ZNF385D: variants seen among roughly 807,000 people sequenced by gnomAD.
ZNF385D encodes zinc finger protein 385D.
In ZNF385D, 15 loss-of-function variants were observed where a neutral mutation model predicts 35.8. The observed-to-expected ratio is 0.42, with a 90% CI of 0.28 to 0.64. ZNF385D has a LOEUF of 0.64. Among genes scored for constraint, ZNF385D ranks in the 30% least tolerant of loss-of-function variants. ZNF385D has a pLI of 0.23. For synonymous variants in ZNF385D, 212 were observed against 186.8 expected (o/e 1.13, Z -1.10); for missense variants, 474 against 494.6 (o/e 0.96, Z 0.39).
chr3:21,549,523 C>T (rs951042462), intron 3 of ZNF385D, among the ~76,000 whole-genome samples: 2 of 152,110 alleles, frequency 1.3e-5, no homozygotes, highest in African/African-American at 2.4e-5. Flanking sequence ...AGAGTATAAG[C>T]CCTTCAAAAA....
intron 2 of ZNF385D, among the ~76,000 whole-genome samples, chr3:22,176,747 A>C (rs1466113157): frequency 6.6e-6 from 1 of 152,208 alleles, no homozygotes. Flanking sequence ...AGTTTCAAAA[A>C]GAAATTTTAC....
intron 2 of ZNF385D, among the ~76,000 whole-genome samples, chr3:22,258,958 GC>G (rs750018092): frequency 6.1e-4 from 92 of 151,860 alleles, no homozygotes; most frequent in Non-Finnish European, 1.1e-3. Flanking sequence ...CCAGGAAGGA[GC>G]TTTTGAAATC....
chr3:21,533,887 A>G (rs2061979604), intron 3 of ZNF385D, among the ~76,000 whole-genome samples: 1 of 152,138 alleles, frequency 6.6e-6, no homozygotes, highest in Non-Finnish European at 1.5e-5. Context: ...GACAAAAGAG[A>G]AATATCAGAC....
chr3:22,071,220 A>G (rs1700213913), intron 3 of ZNF385D, among the ~76,000 whole-genome samples: 1 of 152,184 alleles, frequency 6.6e-6, no homozygotes, highest in Non-Finnish European at 1.5e-5. Flanking sequence ...TATTTGACAT[A>G]CAAATAATAT....
chr3:21,800,083 TTCTAA>T (rs1410954769), intron 3 of ZNF385D, among the ~76,000 whole-genome samples: 3 of 152,338 alleles, frequency 2.0e-5, no homozygotes, highest in Admixed American at 6.5e-5. Flanking sequence ...GGACTATCAC[TTCTAA>T]TCTAATTATC....
chr3:22,116,650 G>A (rs920231157), intron 3 of ZNF385D, among the ~76,000 whole-genome samples: 3 of 151,996 alleles, frequency 2.0e-5, no homozygotes, highest in South Asian at 2.1e-4. Context: ...TGCAAAGACA[G>A]AACCATCACA....
chr3:22,129,101 G>T (rs1703620577), intron 3 of ZNF385D, among the ~76,000 whole-genome samples: 2 of 152,124 alleles, frequency 1.3e-5, no homozygotes, highest in Admixed American at 1.3e-4. Flanking sequence ...GTACCACCTT[G>T]GTGGTCTTGG....
rs1261047848 is a variant in ZNF385D, at chr3:22,306,254, G to A, written c.106+66196C>T. On this transcript the variant is annotated intron_variant, in intron 2 of 5. Transcript: ENST00000494108. ...TGTCAGGGAGAAGCCTAATCTTCTG[G>A]TTTTTCTGGCAAGTGAAGCTTCTCA... is the stretch of plus-strand genomic sequence containing the variant. 2.6e-5 allele frequency among the ~76,000 whole-genome samples: 4 copies of A among 152,122 alleles called. No individual in the cohort carries two copies. In the East Asian group the frequency reaches 7.7e-4, roughly 29 times the overall value.
At chr3:22,336,635 G>C (rs928662958) in intron 2 of ZNF385D, among the ~76,000 whole-genome samples, 4 of 151,932 alleles carry the variant, frequency 2.6e-5, no homozygotes, top group African/African-American at 9.7e-5. Flanking sequence ...AAATTTCCAT[G>C]TTTATAACTG....
chr3:21,787,662 C>A (rs2071747825), intron 3 of ZNF385D, among the ~76,000 whole-genome samples: 1 of 152,074 alleles, frequency 6.6e-6, no homozygotes, highest in African/African-American at 2.4e-5. Flanking sequence ...CAAGCACTGC[C>A]ATCAATTCAT....
chr3:22,250,429 A>G (rs533280364), intron 2 of ZNF385D, among the ~76,000 whole-genome samples: 14 of 152,172 alleles, frequency 9.2e-5, no homozygotes, highest in African/African-American at 3.1e-4. Flanking sequence ...GCAGAAGAAA[A>G]AAATGCCATT....
intron 3 of ZNF385D, among the ~76,000 whole-genome samples, chr3:22,141,021 A>T (rs758163301): frequency 6.6e-6 from 1 of 152,232 alleles, no homozygotes; most frequent in Non-Finnish European, 1.5e-5. Flanking sequence ...ACCAGGATTC[A>T]TGTCCTGAGC....
chr3:21,575,802 A>G (rs553206285), intron 2 of ZNF385D, among the ~76,000 whole-genome samples: 6 of 152,208 alleles, frequency 3.9e-5, no homozygotes, highest in African/African-American at 1.4e-4. Flanking sequence ...TATTCTTTGT[A>G]CCCAGCCATT....
chr3:22,004,238 C>T (rs1038618040), intron 3 of ZNF385D, among the ~76,000 whole-genome samples: 3 of 152,056 alleles, frequency 2.0e-5, no homozygotes, highest in Non-Finnish European at 4.4e-5. Flanking sequence ...GAAAGCTGGA[C>T]ATCCATAGGC....
intron 2 of ZNF385D, among the ~76,000 whole-genome samples, chr3:22,173,359 T>C (rs765481323): frequency 6.6e-6 from 1 of 152,214 alleles, no homozygotes; most frequent in Non-Finnish European, 1.5e-5. Flanking sequence ...TTGTAATAAA[T>C]GTACCGTATT....
chr3:21,959,168 T>C (rs1702448070), intron 3 of ZNF385D, among the ~76,000 whole-genome samples: 1 of 152,222 alleles, frequency 6.6e-6, no homozygotes, highest in South Asian at 2.1e-4. Flanking sequence ...AAATTTAGTA[T>C]ACAGCAATGT....
chr3:22,132,979 T>C (rs1246863698), intron 3 of ZNF385D, among the ~76,000 whole-genome samples: 1 of 152,106 alleles, frequency 6.6e-6, no homozygotes, highest in Non-Finnish European at 1.5e-5. Context: ...TACTGTAAAT[T>C]GTTCTGTTTT....
Position 21,425,645 on chromosome 3 carries a change from T to C in ZNF385D, c.699A>G (p.Glu233=), listed in dbSNP as rs758708325. The change falls in exon 6 of 8, where the codon GAA becomes GAG. Residue 233 remains glutamate, a synonymous_variant. Transcript: ENST00000281523. ...NSGTKHKTML[E]ARNGSGTIKA... Reference sequence around the variant, plus strand: ...TGATAGTGCCACTTCCATTCCGGGCTTCTAACATGGTTTTGTGCTTAGTAC... The same window carrying C: ...TGATAGTGCCACTTCCATTCCGGGCCTCTAACATGGTTTTGTGCTTAGTAC... 1 of 1,595,016 alleles carries C rather than the reference T, an allele frequency of 6.3e-7. No homozygotes were observed. Among genetic ancestry groups the C allele is most frequent in the Non-Finnish European group, 8.6e-7 (1 of 1,169,182 alleles).
At position 22,269,979 on chromosome 3, in the gene ZNF385D, A is replaced by T. The variant is rs566163714; in HGVS notation, c.107-100944T>A. Among the ~76,000 whole-genome samples the T allele has an allele frequency of 3.3e-3, 502 of 152,020 alleles. 4 individuals are homozygous for T. Among genetic ancestry groups the T allele is most frequent in the African/African-American group, 0.01 (421 of 41,512 alleles). The stretch of plus-strand genomic sequence containing the variant: ...TTAGTAGTGTATAGCAGCACTTCTC[A>T]GACTTTAATGTACGTGTGATCATCC... On this transcript the variant is annotated intron_variant, in intron 2 of 5. Transcript: ENST00000494108.
Sources: gnomAD v4.1 joint callset for allele counts (sites outside exome capture counted in the v4.1 genomes callset) on GRCh38, gnomAD v4.1.1 for gene constraint, MANE v1.5 for transcripts, NCBI Gene and HGNC (gene_info 2026-07-23, HGNC 2026-07-21) for gene names.